Variants in STPG2 observed in about 807,000 individuals in gnomAD.
The protein encoded by STPG2 is sperm-tail PG-rich repeat-containing protein 2.
In STPG2, 56 loss-of-function variants were observed where a neutral mutation model predicts 54.2. The ratio of observed to expected loss-of-function variants is 1.03; its 90% CI spans 0.83 to 1.29. STPG2 has a LOEUF of 1.29. Among genes scored for constraint, STPG2 ranks in the 50% most tolerant of loss-of-function variants. STPG2 has a pLI of 0.00. For missense variants in STPG2, 596 were observed against 544.9 expected, an observed-to-expected ratio of 1.09 and a Z score of -0.93; for synonymous variants, 200 against 181.8, an observed-to-expected ratio of 1.10 and a Z score of -0.81.
At chr4:97,803,602 G>A (rs564736898) in intron 9 of STPG2, among the ~76,000 whole-genome samples, 4 of 152,084 alleles carry the variant, frequency 2.6e-5, no homozygotes, top group Admixed American at 1.3e-4. Flanking sequence ...TGTTAATAGC[G>A]TAATCTCAGC....
chr4:97,597,340 C>T (rs1733324265), intron 10 of STPG2, among the ~76,000 whole-genome samples: 1 of 152,048 alleles, frequency 6.6e-6, no homozygotes, highest in Admixed American at 6.6e-5. Context: ...TAAGAAAGAG[C>T]TGATACCATT....
At chr4:97,518,007 A>T (rs1470971392) in intron 4 of STPG2, among the ~76,000 whole-genome samples, 1 of 152,190 alleles carries the variant, frequency 6.6e-6, no homozygotes, top group Non-Finnish European at 1.5e-5. Context: ...AAAACTATAT[A>T]TCAAGGAGAA....
chr4:97,480,683 T>G (rs944489422), intron 4 of STPG2, among the ~76,000 whole-genome samples: 1 of 151,696 alleles, frequency 6.6e-6, no homozygotes, highest in African/African-American at 2.4e-5. Context: ...TGACTAATAA[T>G]GTTAAATACC....
At chr4:97,504,041 ATTT>A (rs1455045306) in intron 4 of STPG2, among the ~76,000 whole-genome samples, 1 of 144,878 alleles carries the variant, frequency 6.9e-6, no homozygotes, top group Non-Finnish European at 1.5e-5. Context: ...TTTTTAATTT[ATTT>A]TTATTTAAAT....
intron 4 of STPG2, among the ~76,000 whole-genome samples, chr4:97,509,927 A>G (rs1338211203): frequency 1.3e-5 from 2 of 152,108 alleles, no homozygotes; most frequent in African/African-American, 4.8e-5. Flanking sequence ...TAGTAAGAAC[A>G]GAACACTCTA....
intron 10 of STPG2, among the ~76,000 whole-genome samples, chr4:97,614,808 AC>A (rs1159843213): frequency 2.6e-5 from 4 of 152,144 alleles, no homozygotes; most frequent in African/African-American, 7.2e-5. Flanking sequence ...CAGTTTTGAT[AC>A]CCATAACATG....
At chr4:97,589,835 A>G (rs900362733) in intron 10 of STPG2, among the ~76,000 whole-genome samples, 1 of 152,204 alleles carries the variant, frequency 6.6e-6, no homozygotes, top group African/African-American at 2.4e-5. Context: ...ATTTAGACAC[A>G]CAAACACTTA....
intron 4 of STPG2, among the ~76,000 whole-genome samples, chr4:97,511,657 C>T (rs1362078392): frequency 6.6e-6 from 1 of 151,944 alleles, no homozygotes; most frequent in African/African-American, 2.4e-5. Context: ...TGCACAATAC[C>T]TGCAGAATAA....
At chr4:97,955,317 C>A (rs1733636283) in intron 7 of STPG2, among the ~76,000 whole-genome samples, 1 of 151,742 alleles carries the variant, frequency 6.6e-6, no homozygotes, top group African/African-American at 2.4e-5. Flanking sequence ...TGGGTTCACG[C>A]CATTCTCCTG....
intron 10 of STPG2, among the ~76,000 whole-genome samples, chr4:97,653,208 C>T (rs899542374): frequency 5.9e-5 from 9 of 151,860 alleles, no homozygotes; most frequent in African/African-American, 1.2e-4. Flanking sequence ...GTATTAAAGG[C>T]ATTGTAGACT....
intron 5 of STPG2, among the ~76,000 whole-genome samples, chr4:98,011,075 G>A (rs1315953036): frequency 6.6e-6 from 1 of 151,738 alleles, no homozygotes; most frequent in Non-Finnish European, 1.5e-5. Flanking sequence ...AGCCCCACAT[G>A]CATTAGCTAT....
intron 10 of STPG2, among the ~76,000 whole-genome samples, chr4:97,594,088 G>T (rs576271527): frequency 1.6e-4 from 24 of 152,174 alleles, no homozygotes; most frequent in Non-Finnish European, 2.5e-4. Flanking sequence ...AATTCAAAAA[G>T]CCAGTGTCTT....
chr4:97,550,264 T>C (rs1338894221), intron 4 of STPG2, among the ~76,000 whole-genome samples: 1 of 152,054 alleles, frequency 6.6e-6, no homozygotes. Flanking sequence ...GTCTTAAAAG[T>C]ATTTTGTATA....
chr4:97,741,194 C>T (rs1725218955), intron 9 of STPG2, among the ~76,000 whole-genome samples: 2 of 152,156 alleles, frequency 1.3e-5, no homozygotes, highest in Admixed American at 6.5e-5. Context: ...CTTCCTTACA[C>T]CTTATACAAA....
At chr4:97,633,520 C>G (rs1268243099) in intron 10 of STPG2, 1 of 152,552 alleles carries the variant, frequency 6.6e-6, no homozygotes, top group Non-Finnish European at 1.5e-5. Flanking sequence ...CAGCTCCAGT[C>G]TACAGCTCCC....
intron 7 of STPG2, among the ~76,000 whole-genome samples, chr4:97,968,299 G>C (rs1199156916): frequency 1.3e-5 from 2 of 151,990 alleles, no homozygotes; most frequent in East Asian, 3.9e-4. Context: ...ATAATTAATG[G>C]CCTACCAACC....
intron 4 of STPG2, among the ~76,000 whole-genome samples, chr4:97,538,387 T>A (rs1364228405): frequency 6.6e-6 from 1 of 152,016 alleles, no homozygotes; most frequent in East Asian, 1.9e-4. Flanking sequence ...AACAACTACG[T>A]GACAAATGCA....
At chr4:97,732,467 T>C (rs1257834584) in intron 9 of STPG2, among the ~76,000 whole-genome samples, 1 of 152,240 alleles carries the variant, frequency 6.6e-6, no homozygotes, top group Non-Finnish European at 1.5e-5. Context: ...TTTATGTTTT[T>C]GTATGCTTTA....
intron 7 of STPG2, among the ~76,000 whole-genome samples, chr4:97,969,188 G>C (rs911139667): frequency 1.2e-4 from 18 of 152,164 alleles, no homozygotes; most frequent in Admixed American, 8.5e-4. Flanking sequence ...TTTGTAAACA[G>C]CTTTTGCTGC....
Sources: allele counts gnomAD v4.1 joint callset (sites outside exome capture counted in the v4.1 genomes callset), GRCh38; gene constraint gnomAD v4.1.1; transcripts MANE v1.5; gene names NCBI Gene and HGNC (gene_info 2026-07-23, HGNC 2026-07-21).